The following PPM1E variants were observed in gnomAD, a reference collection of about 807,000 sequenced individuals.
PPM1E encodes protein phosphatase 1E.
Under a neutral mutation model 65.9 loss-of-function variants are expected in PPM1E, and 20 were observed. That is an observed-to-expected ratio of 0.30 (90% CI 0.21 to 0.44). The LOEUF is 0.44. Among genes scored for constraint, PPM1E ranks in the 20% least tolerant of loss-of-function variants. PPM1E has a pLI of 1.00. For synonymous variants in PPM1E, 352 were observed against 374.9 expected (o/e 0.94, Z 0.70); for missense variants, 713 against 953.1 (o/e 0.75, Z 3.32).
At position 58,805,968 on chromosome 17, in the gene PPM1E, A is replaced by C. The variant is rs1367207033; in HGVS notation, c.464+49507A>C. Among the ~76,000 whole-genome samples, 115 of 111,292 alleles carry C rather than the reference A, an allele frequency of 1.0e-3. 6 individuals carry two copies. The highest frequency in any genetic ancestry group is 1.6e-3 in the Non-Finnish European group (89 of 55,012). 73.0% of individuals were successfully genotyped at this position (111,292 alleles called of 152,430 possible). On this transcript the variant is annotated intron_variant, in intron 1 of 6. Coordinates refer to ENST00000308249, the MANE Select transcript of PPM1E (RefSeq NM_014906.5). ...TTCTGCTAAAAAAAAAAACAAAAAA[A>C]AAAAACAAAAAAAAAACAAAACAAA... is the stretch of plus-strand genomic sequence containing the variant.
chr17:58,861,925 T>TA (rs71143292), intron 1 of PPM1E, among the ~76,000 whole-genome samples: 108 of 151,172 alleles, frequency 7.1e-4, no homozygotes, highest in Non-Finnish European at 1.2e-3. Context: ...TGAGATACTT[T>TA]AAAAAAAAAA....
At chr17:58,851,665 G>T (rs1220572160) in intron 1 of PPM1E, among the ~76,000 whole-genome samples, 1 of 152,204 alleles carries the variant, frequency 6.6e-6, no homozygotes, top group Non-Finnish European at 1.5e-5. Flanking sequence ...GGGGCACCTG[G>T]CTGTATGAGA....
chr17:58,936,084 T>G (rs2051976654), intron 1 of PPM1E, among the ~76,000 whole-genome samples: 2 of 151,934 alleles, frequency 1.3e-5, no homozygotes, highest in African/African-American at 4.8e-5. Context: ...ATTACATTAT[T>G]TAGTTGTAGA....
chr17:58,871,146 C>G (rs773763336), intron 1 of PPM1E, among the ~76,000 whole-genome samples: 5 of 152,114 alleles, frequency 3.3e-5, no homozygotes, highest in African/African-American at 7.2e-5. Flanking sequence ...GTGATCCTCC[C>G]TTATTTCAGC....
At chr17:58,775,806 C>T (rs561276649) in intron 1 of PPM1E, among the ~76,000 whole-genome samples, 6 of 147,540 alleles carry the variant, frequency 4.1e-5, no homozygotes, top group Non-Finnish European at 7.4e-5. Flanking sequence ...CCCAGCTACT[C>T]GGGAGGCTGA....
chr17:58,828,361 T>C (rs1423873076), intron 1 of PPM1E, among the ~76,000 whole-genome samples: 2 of 152,114 alleles, frequency 1.3e-5, no homozygotes, highest in Admixed American at 1.3e-4. Flanking sequence ...AAACAACTAT[T>C]TTAATTTTCT....
At chr17:58,785,487 T>TAGATAG (rs988478580) in intron 1 of PPM1E, 6 of 132,210 alleles carry the variant, frequency 4.5e-5, no homozygotes, top group African/African-American at 1.7e-4. Flanking sequence ...TATATATATA[T>TAGATAG]ATAGTAGAAC....
At chr17:58,907,086 CA>C (rs918821600) in intron 1 of PPM1E, among the ~76,000 whole-genome samples, 1 of 151,244 alleles carries the variant, frequency 6.6e-6, no homozygotes. Context: ...AATACACACA[CA>C]AAAAAAAATT....
intron 1 of PPM1E, among the ~76,000 whole-genome samples, chr17:58,871,330 C>A (rs753647030): frequency 6.6e-6 from 1 of 152,002 alleles, no homozygotes; most frequent in Non-Finnish European, 1.5e-5. Flanking sequence ...ATTGAGCCTC[C>A]GTGCCTGGCT....
At chr17:58,907,550 T>G (rs1293977578) in intron 1 of PPM1E, among the ~76,000 whole-genome samples, 1 of 152,238 alleles carries the variant, frequency 6.6e-6, no homozygotes, top group East Asian at 1.9e-4. Context: ...ACTAATTTTC[T>G]GCCTGCTGCA....
At chr17:58,850,634 G>A (rs190317348) in intron 1 of PPM1E, among the ~76,000 whole-genome samples, 90 of 152,292 alleles carry the variant, frequency 5.9e-4, no homozygotes, top group African/African-American at 2.1e-3. Flanking sequence ...TAGAGTTTCT[G>A]CCAAGAGATC....
chr17:58,795,636 A>G (rs1212882673), intron 1 of PPM1E, among the ~76,000 whole-genome samples: 1 of 152,214 alleles, frequency 6.6e-6, no homozygotes, highest in African/African-American at 2.4e-5. Flanking sequence ...CCCAGGAGGT[A>G]GAGGTTGCAG....
At chr17:58,852,796 G>T (rs2143269818) in intron 1 of PPM1E, among the ~76,000 whole-genome samples, 1 of 152,040 alleles carries the variant, frequency 6.6e-6, no homozygotes, top group South Asian at 2.1e-4. Context: ...TAGAGACGGG[G>T]TTTCACCGTG....
At chr17:58,899,267 T>G (rs2051466172) in intron 1 of PPM1E, 1 of 151,698 alleles carries the variant, frequency 6.6e-6, no homozygotes, top group Non-Finnish European at 1.5e-5. Context: ...CCCAGGAGTT[T>G]GAAGCTGCAG....
Position 58,865,603 on chromosome 17 carries a change from G to C in PPM1E, c.465-90046G>C, listed in dbSNP as rs551939766. Among the ~76,000 whole-genome samples, 10 of 152,276 alleles carry C rather than the reference G, an allele frequency of 6.6e-5. No homozygotes were observed. The East Asian group carries it at 1.9e-3, about 29-fold the overall frequency. On this transcript the variant is annotated intron_variant, in intron 1 of 6. Coordinates refer to ENST00000308249, the MANE Select transcript of PPM1E (RefSeq NM_014906.5). ...TAGTTCGATTTACTCAGAAGGCTGA[G>C]GCAGGAGGATTGCTTAAGCCTGGAA... is the stretch of plus-strand genomic sequence containing the variant.
chr17:58,911,884 T>A (rs1483826054), intron 1 of PPM1E, among the ~76,000 whole-genome samples: 2 of 151,750 alleles, frequency 1.3e-5, no homozygotes, highest in Non-Finnish European at 2.9e-5. Flanking sequence ...GAGCTCAGAG[T>A]CGCAAGGAAA....
chr17:58,892,401 C>T (rs954277212), intron 1 of PPM1E, among the ~76,000 whole-genome samples: 8 of 151,906 alleles, frequency 5.3e-5, no homozygotes, highest in African/African-American at 1.9e-4. Flanking sequence ...TAGCAAGACC[C>T]CCATCTCTAC....
intron 1 of PPM1E, among the ~76,000 whole-genome samples, chr17:58,932,833 C>G (rs2051920526): frequency 2.0e-5 from 3 of 152,128 alleles, no homozygotes; most frequent in African/African-American, 7.2e-5. Context: ...GTCAGGCACC[C>G]CACAACAACA....
At chr17:58,910,425 C>T (rs1020905274) in intron 1 of PPM1E, among the ~76,000 whole-genome samples, 3 of 152,130 alleles carry the variant, frequency 2.0e-5, no homozygotes, top group Non-Finnish European at 2.9e-5. Context: ...CATTAGAGCC[C>T]TTAGCATATT....
Sources: gnomAD v4.1 joint callset for allele counts (sites outside exome capture counted in the v4.1 genomes callset) on GRCh38, gnomAD v4.1.1 for gene constraint, MANE v1.5 for transcripts, NCBI Gene and HGNC (gene_info 2026-07-23, HGNC 2026-07-21) for gene names.